USP45: variants seen among roughly 807,000 people sequenced by gnomAD.
USP45 encodes ubiquitin specific peptidase 45.
USP45 carries 89 observed loss-of-function variants against 95.8 expected under a neutral mutation model. The ratio of observed to expected loss-of-function variants is 0.93; its 90% CI spans 0.78 to 1.11. The LOEUF (loss-of-function observed/expected upper bound fraction) is 1.11, where lower values mean the gene tolerates loss of function less well. Among genes scored for constraint, USP45 ranks in the 50% least tolerant of loss-of-function variants. The pLI is 0.00. For synonymous variants in USP45, 281 were observed against 316.2 expected (o/e 0.89, Z 1.18); for missense variants, 898 against 942.5 (o/e 0.95, Z 0.62).
chr6:99,480,929 CAA>C (rs202203152), intron 8 of USP45, among the ~76,000 whole-genome samples: 1 of 151,478 alleles, frequency 6.6e-6, no homozygotes. Flanking sequence ...ATAAAACAAA[CAA>C]AAAAAAGGCA....
At chr6:99,448,402 T>G (rs993493323) in intron 13 of USP45, among the ~76,000 whole-genome samples, 3 of 152,138 alleles carry the variant, frequency 2.0e-5, no homozygotes, top group African/African-American at 7.2e-5. Flanking sequence ...ATGCACAAGC[T>G]TCAGTAGCCG....
intron 14 of USP45, among the ~76,000 whole-genome samples, chr6:99,443,950 C>T (rs1428379219): frequency 6.6e-6 from 1 of 151,906 alleles, no homozygotes; most frequent in African/African-American, 2.4e-5. Context: ...CTGTCAATGC[C>T]CTCCAGCCAA....
intron 5 of USP45, among the ~76,000 whole-genome samples, chr6:99,499,652 C>T (rs1443577906): frequency 1.3e-5 from 2 of 152,148 alleles, no homozygotes; most frequent in African/African-American, 4.8e-5. Flanking sequence ...CTCAAACTAC[C>T]TCAAAAGCCC....
At chr6:99,497,026 T>G (rs955422538) in intron 5 of USP45, among the ~76,000 whole-genome samples, 5 of 152,174 alleles carry the variant, frequency 3.3e-5, no homozygotes, top group Admixed American at 6.6e-5. Context: ...GATCCAGCAT[T>G]ATAGTATCAT....
At chr6:99,457,807 G>T (rs1041678488) in intron 13 of USP45, among the ~76,000 whole-genome samples, 5 of 152,138 alleles carry the variant, frequency 3.3e-5, no homozygotes, top group Admixed American at 3.3e-4. Context: ...CATGTCTGAG[G>T]TTGGGTATGA....
chr6:99,459,351 G>A (rs536659243), intron 13 of USP45, among the ~76,000 whole-genome samples: 1 of 152,286 alleles, frequency 6.6e-6, no homozygotes, highest in Admixed American at 6.5e-5. Flanking sequence ...ATTCCATGGT[G>A]TATATGTACA....
At chr6:99,436,860 G>A (rs1394706156) in intron 17 of USP45, among the ~76,000 whole-genome samples, 1 of 152,142 alleles carries the variant, frequency 6.6e-6, no homozygotes, top group Non-Finnish European at 1.5e-5. Context: ...AGCACTTTGG[G>A]AGGCCGAGGC....
chr6:99,465,145 GA>G lies in USP45; in HGVS notation c.1108-10del. The G allele has an allele frequency of 1.9e-6, 3 of 1,578,398 alleles. No individual in the cohort carries two copies. Among genetic ancestry groups the G allele is most frequent in the Non-Finnish European group, 2.6e-6 (3 of 1,159,238 alleles). ...TCTTTCACCGTGGAGATCTTAAAAG[GA>G]AAACACATTGAAAACTTCAGTTAGA... On this transcript the variant is annotated splice_polypyrimidine_tract_variant and intron_variant, in intron 11 of 17. Coordinates refer to ENST00000500704, the MANE Select transcript of USP45 (RefSeq NM_001346022.3).
intron 13 of USP45, chr6:99,461,156 C>G (rs1420798997): frequency 2.0e-6 from 2 of 984,992 alleles, no homozygotes; most frequent in Non-Finnish European, 2.4e-6. Context: ...TGAAGCAACT[C>G]AGAGAACTGA....
intron 4 of USP45, among the ~76,000 whole-genome samples, chr6:99,506,594 C>T (rs1798574973): frequency 6.6e-6 from 1 of 152,156 alleles, no homozygotes; most frequent in Non-Finnish European, 1.5e-5. Flanking sequence ...CAGGTGTGAG[C>T]CATCACGCCC....
At chr6:99,484,634 C>T (rs1242739266) in intron 7 of USP45, among the ~76,000 whole-genome samples, 1 of 151,362 alleles carries the variant, frequency 6.6e-6, no homozygotes, top group Non-Finnish European at 1.5e-5. Context: ...TCCGTCTCTG[C>T]AAAAAAAATT....
intron 7 of USP45, among the ~76,000 whole-genome samples, chr6:99,484,708 G>A (rs1242110000): frequency 6.6e-6 from 1 of 151,480 alleles, no homozygotes; most frequent in Admixed American, 6.6e-5. Context: ...GCTGAAGTGG[G>A]AGGATCCCTT....
chr6:99,455,428 G>A (rs930866171), intron 13 of USP45, among the ~76,000 whole-genome samples: 2 of 151,476 alleles, frequency 1.3e-5, no homozygotes, highest in Admixed American at 1.3e-4. Flanking sequence ...TTCAGCCTGG[G>A]CGATGGAGCG....
At position 99,432,421 on chromosome 6, in the gene USP45, ATTCCAGG is replaced by A. The variant is rs1779845144; in HGVS notation, c.*3288_*3294del. 1.3e-5 allele frequency: 2 copies of A among 152,188 alleles called. No individual in the cohort carries two copies. The highest frequency in any genetic ancestry group is 4.8e-5 in the African/African-American group (2 of 41,432). The allele number at this position is 152,188 out of a possible 1,614,324, so 9.4% of individuals were successfully genotyped here. A position where few individuals can be genotyped will look rare whatever the true frequency, so the allele number is the denominator to read the frequency against. On this transcript the variant is annotated 3_prime_UTR_variant, in exon 18 of 18. Coordinates refer to ENST00000500704, the MANE Select transcript of USP45 (RefSeq NM_001346022.3). ...TCTGTCAATAACGTAAACTGTGAAA[ATTCCAGG>A]ACCAATCTTGTAACATGAGATAAAT... is the stretch of plus-strand genomic sequence containing the variant.
intron 8 of USP45, 85 bp from the exon 9 acceptor site, chr6:99,476,315 T>G (rs1188149204): frequency 4.5e-6 from 6 of 1,328,842 alleles, no homozygotes; most frequent in South Asian, 2.4e-5. Context: ...GCACTTGAAA[T>G]AGCATATTAT....
In USP45 at chr6:99,437,249, G is replaced by A. The variant is rs531027682; in HGVS notation, c.2311C>T (p.Pro771Ser). 4.6e-5 allele frequency: 73 copies of A among 1,599,174 alleles called. No individual in the cohort carries two copies. In the South Asian group the frequency reaches 7.0e-4, roughly 15 times the overall value. ...AAATAAACTTAGGATGGCATACCAG[G>A]CACATTTTTCTTTTTAGTGTTATGT... ...SEHNTKKKNV[P>S]GLKAADNESA... Residue 771 changes from proline (P) to serine (S), a missense_variant, in exon 17 of 18, where the codon CCT (proline) becomes TCT (serine). Coordinates refer to ENST00000500704, the MANE Select transcript of USP45 (RefSeq NM_001346022.3).
At chr6:99,514,986 A>T (rs1320402635) in intron 1 of USP45, 1 of 152,206 alleles carries the variant, frequency 6.6e-6, no homozygotes, top group African/African-American at 2.4e-5. Flanking sequence ...CCGGCCCCGG[A>T]GCTCCTAATA....
At chr6:99,439,898 T>C (rs779293267) in intron 15 of USP45, 43 bp from the exon 16 acceptor site, 31 of 1,492,874 alleles carry the variant, frequency 2.1e-5, no homozygotes, top group Non-Finnish European at 2.4e-5. Context: ...CAATTAGAAA[T>C]AAAGCATTGT....
intron 13 of USP45, among the ~76,000 whole-genome samples, chr6:99,460,264 A>G (rs550822557): frequency 6.6e-6 from 1 of 152,322 alleles, no homozygotes; most frequent in East Asian, 1.9e-4. Context: ...TATTATTAAA[A>G]GATGCAAGGA....
Sources: gnomAD v4.1 joint callset for allele counts (sites outside exome capture counted in the v4.1 genomes callset) on GRCh38, gnomAD v4.1.1 for gene constraint, MANE v1.5 for transcripts, NCBI Gene and HGNC (gene_info 2026-07-23, HGNC 2026-07-21) for gene names.